The following SIPA1L2 variants were observed in gnomAD, a reference collection of about 807,000 sequenced individuals.
The protein encoded by SIPA1L2 is signal-induced proliferation-associated 1-like protein 2.
Under a neutral mutation model 163.9 loss-of-function variants are expected in SIPA1L2, and 56 were observed. That is an observed-to-expected ratio of 0.34 (90% CI 0.28 to 0.43). The LOEUF is 0.43. Ranked by LOEUF, SIPA1L2 falls within the 20% of genes least tolerant of loss-of-function variation. The probability of loss-of-function intolerance (pLI) is 1.00; values close to 1 mark genes in which losing one functional copy is unlikely to be tolerated. For synonymous variants in SIPA1L2, 877 were observed against 865.7 expected (o/e 1.01, Z -0.23); for missense variants, 1,974 against 2,193.5 (o/e 0.90, Z 2.00).
chr1:232,572,557 A>T (rs1340583117), intron 2 of SIPA1L2, among the ~76,000 whole-genome samples: 2 of 151,290 alleles, frequency 1.3e-5, no homozygotes, highest in Non-Finnish European at 2.9e-5. Context: ...TCACCACTCA[A>T]CATGTATGTA....
At chr1:232,555,480 G>C (rs1658650140) in intron 2 of SIPA1L2, among the ~76,000 whole-genome samples, 1 of 152,128 alleles carries the variant, frequency 6.6e-6, no homozygotes, top group Non-Finnish European at 1.5e-5. Flanking sequence ...CTAATTAACA[G>C]AGAGAAGAAC....
chr1:232,425,063 A>AG (rs1490517928), intron 18 of SIPA1L2, among the ~76,000 whole-genome samples: 1 of 152,200 alleles, frequency 6.6e-6, no homozygotes, highest in Non-Finnish European at 1.5e-5. Context: ...GGGACACAAG[A>AG]GAACACACGT....
chr1:232,603,521 C>T (rs901568109), intron 1 of SIPA1L2, among the ~76,000 whole-genome samples: 12 of 151,922 alleles, frequency 7.9e-5, no homozygotes, highest in African/African-American at 1.5e-4. Flanking sequence ...TCAAGAGGAG[C>T]GGAAAGCAAC....
chr1:232,423,339 C>T lies in SIPA1L2; in HGVS notation c.4630+2250G>A, dbSNP rs80297090. Among the ~76,000 whole-genome samples the T allele has an allele frequency of 4.1e-3, 629 of 152,218 alleles. 5 individuals are homozygous for T. Among genetic ancestry groups the T allele is most frequent in the African/African-American group, 0.015 (602 of 41,514 alleles). On this transcript the variant is annotated intron_variant, in intron 18 of 22. Coordinates refer to ENST00000674635, the MANE Select transcript of SIPA1L2 (RefSeq NM_020808.5). ...CAAGGAGCATCTATAATCACATAGG[C>T]GATTGTGGTAGTCAGAAGGCCAGGG...
At chr1:232,627,454 A>G (rs994148339) in intron 1 of SIPA1L2, among the ~76,000 whole-genome samples, 26 of 152,182 alleles carry the variant, frequency 1.7e-4, no homozygotes, top group Admixed American at 1.4e-3. Context: ...AAGATCCCCA[A>G]GGTGGACAAG....
intron 2 of SIPA1L2, among the ~76,000 whole-genome samples, chr1:232,526,209 A>T (rs1263983056): frequency 6.6e-6 from 1 of 152,022 alleles, no homozygotes. Flanking sequence ...GAAAACACAG[A>T]CCCGGCCTCC....
At chr1:232,552,639 G>C (rs1658457832) in intron 2 of SIPA1L2, among the ~76,000 whole-genome samples, 1 of 151,962 alleles carries the variant, frequency 6.6e-6, no homozygotes, top group South Asian at 2.1e-4. Context: ...CAAAATGTTG[G>C]GATTATGGGC....
In SIPA1L2 at chr1:232,402,279, G is replaced by T; in HGVS notation, c.5022+113C>A. On this transcript the variant is annotated intron_variant, in intron 22 of 22. Coordinates refer to ENST00000674635, the MANE Select transcript of SIPA1L2 (RefSeq NM_020808.5). ...GAGCATCTGTTGGTATTTATCATTG[G>T]TTTTTGTGTAAGGCAGTTTTCTTTC... The T allele has an allele frequency of 3.6e-6, 3 of 824,504 alleles. 1 individual carries two copies. The highest frequency in any genetic ancestry group is 3.5e-5 in the African/African-American group (2 of 57,658). 51.1% of individuals were successfully genotyped at this position (824,504 alleles called of 1,614,324 possible). A position where few individuals can be genotyped will look rare whatever the true frequency, so the allele number is the denominator to read the frequency against.
chr1:232,479,668 C>T lies in SIPA1L2; in HGVS notation c.2044G>A (p.Val682Met), dbSNP rs1665224233. The change falls in exon 7 of 23, where the codon GTG (valine) becomes ATG (methionine). Residue 682 changes from valine to methionine, a missense_variant. This residue lies in a region of SIPA1L2 where 288 missense variants were observed against 418.9 expected (regional missense o/e 0.69). Coordinates refer to ENST00000674635, the MANE Select transcript of SIPA1L2 (RefSeq NM_020808.5). Reference sequence around the variant, plus strand: ...GGCATGTAGGGAAGCAGGGTTGACACGTGGAACATGAGTTCGTAGTCTTTG... The same window carrying T: ...GGCATGTAGGGAAGCAGGGTTGACATGTGGAACATGAGTTCGTAGTCTTTG... ...TYKDYELMFH[V>M]STLLPYMPNN... 2 of 1,613,712 alleles carry T rather than the reference C, an allele frequency of 1.2e-6. No individual in the cohort carries two copies. Among genetic ancestry groups the T allele is most frequent in the Admixed American group, 1.7e-5 (1 of 59,994 alleles).
At chr1:232,449,517 CAAAAA>C in intron 10 of SIPA1L2, among the ~76,000 whole-genome samples, 1 of 80,068 alleles carries the variant, frequency 1.2e-5, no homozygotes, top group South Asian at 3.8e-4. Context: ...GACTCCGTCT[CAAAAA>C]AAAAAAAAAA....
intron 10 of SIPA1L2, among the ~76,000 whole-genome samples, chr1:232,451,342 C>T (rs966198114): frequency 1.3e-5 from 2 of 152,122 alleles, no homozygotes; most frequent in Non-Finnish European, 1.5e-5. Context: ...CCCCTTGGCA[C>T]GCATCCTCTC....
chr1:232,414,854 C>G (rs1661157135), intron 19 of SIPA1L2, among the ~76,000 whole-genome samples: 1 of 152,212 alleles, frequency 6.6e-6, no homozygotes, highest in Non-Finnish European at 1.5e-5. Context: ...CTTGTTTTGT[C>G]TACCTTTATC....
chr1:232,579,778 G>A (rs1382970384), intron 1 of SIPA1L2, among the ~76,000 whole-genome samples: 16 of 152,114 alleles, frequency 1.1e-4, no homozygotes. Context: ...CAGATTAATA[G>A]GAGAAAAAGC....
At chr1:232,438,970 T>C in intron 15 of SIPA1L2, 138 bp downstream of exon 15, 1 of 798,538 alleles carries the variant, frequency 1.3e-6, no homozygotes, top group Non-Finnish European at 1.8e-6. Context: ...GCCCTTCCTC[T>C]GATGTCAGAC....
intron 1 of SIPA1L2, among the ~76,000 whole-genome samples, chr1:232,586,438 T>C (rs1202672291): frequency 6.6e-6 from 1 of 151,930 alleles, no homozygotes; most frequent in Non-Finnish European, 1.5e-5. Flanking sequence ...GAAGAGCACC[T>C]GGCTTCCTCC....
intron 10 of SIPA1L2, among the ~76,000 whole-genome samples, chr1:232,455,954 T>C (rs1180069707): frequency 6.6e-6 from 1 of 151,862 alleles, no homozygotes; most frequent in Non-Finnish European, 1.5e-5. Context: ...TTATTGAGGG[T>C]GAAGGGTGAC....
At chr1:232,501,048 G>GTTTTT (rs1421294418) in intron 3 of SIPA1L2, among the ~76,000 whole-genome samples, 4 of 58,452 alleles carry the variant, frequency 6.8e-5, no homozygotes, top group South Asian at 5.9e-4. Flanking sequence ...TAGCAATGAA[G>GTTTTT]TATTTTTTTT....
chr1:232,449,761 C>T (rs1663456922), intron 10 of SIPA1L2, among the ~76,000 whole-genome samples: 1 of 141,920 alleles, frequency 7.0e-6, no homozygotes, highest in African/African-American at 2.5e-5. Flanking sequence ...ATTCAGACTC[C>T]TGGGTTAAGG....
At chr1:232,577,097 A>C (rs891283853) in intron 1 of SIPA1L2, among the ~76,000 whole-genome samples, 3 of 152,032 alleles carry the variant, frequency 2.0e-5, no homozygotes, top group Non-Finnish European at 2.9e-5. Flanking sequence ...GGACAGGCTA[A>C]TTCTCTTGTT....
Sources: allele counts gnomAD v4.1 joint callset (sites outside exome capture counted in the v4.1 genomes callset), GRCh38; gene constraint gnomAD v4.1.1; regional missense constraint gnomAD v4.1.1; transcripts MANE v1.5; gene names NCBI Gene and HGNC (gene_info 2026-07-23, HGNC 2026-07-21).